The following TRPC6 variants were observed in gnomAD, a reference collection of about 807,000 sequenced individuals.
TRPC6 encodes short transient receptor potential channel 6.
In TRPC6, 55 loss-of-function variants were observed where a neutral mutation model predicts 90.7. The observed-to-expected ratio is 0.61, with a 90% CI of 0.49 to 0.76. The LOEUF is 0.76. Ranked by LOEUF, TRPC6 falls within the 30% of genes least tolerant of loss-of-function variation. The probability of loss-of-function intolerance (pLI) is 0.00; values close to 1 mark genes in which losing one functional copy is unlikely to be tolerated. For missense variants in TRPC6, 989 were observed against 1,122.7 expected (o/e 0.88, Z 1.70); for synonymous variants, 393 against 393.0 (o/e 1.00, Z 0.00).
At chr11:101,579,041 C>G in intron 1 of TRPC6, among the ~76,000 whole-genome samples, 1 of 151,790 alleles carries the variant, frequency 6.6e-6, no homozygotes, top group East Asian at 1.9e-4. Context: ...TCTGGAAAAT[C>G]CTTACCCATT....
rs747431753 is a variant in TRPC6 at position 101,469,495 on chromosome 11, C to A, written c.2416G>T (p.Glu806Ter). ...CCTAAAATTCCAAGTTTCTTTTCTT[C>A]ATTTATCTTTTAAAGATAGATAGTA... The part of the protein sequence containing the change: ...QEDAEMNKIN[E>*]EKKLGILGSH... The change falls in exon 10 of 13, where the codon GAA becomes TAA. Residue 806 changes from glutamate to a stop codon, truncating the protein, a stop_gained. Coordinates refer to ENST00000344327, the MANE Select transcript of TRPC6 (RefSeq NM_004621.6). LOFTEE classifies it high-confidence loss of function. The A allele has an allele frequency of 5.2e-6, 4 of 762,626 alleles. No homozygotes were observed. In the South Asian group the frequency reaches 5.5e-5, roughly 11 times the overall value. The allele number at this position is 762,626 out of a possible 1,614,324, so 47.2% of individuals were successfully genotyped here. A position where few individuals can be genotyped will look rare whatever the true frequency, so the allele number is the denominator to read the frequency against.
chr11:101,514,008 G>A (rs1860458290), intron 1 of TRPC6, among the ~76,000 whole-genome samples: 1 of 152,186 alleles, frequency 6.6e-6, no homozygotes, highest in East Asian at 1.9e-4. Flanking sequence ...ATGTGTAACA[G>A]AGTACATGGA....
chr11:101,472,022 CAG>C lies in TRPC6; in HGVS notation c.2205+113_2205+114del, dbSNP rs1859303827. ...TTACTGGTCAAACGAGTGTATAAAA[CAG>C]GGAATGAACAAAGGGCGAAGAGCAG... On this transcript the variant is annotated intron_variant, in intron 8 of 12. Coordinates refer to ENST00000344327, the MANE Select transcript of TRPC6 (RefSeq NM_004621.6). 5 of 1,083,932 alleles carry C rather than the reference CAG, an allele frequency of 4.6e-6. 1 individual carries two copies. Among genetic ancestry groups the C allele is most frequent in the South Asian group, 4.0e-5 (3 of 74,718 alleles). 67.1% of individuals were successfully genotyped at this position (1,083,932 alleles called of 1,614,324 possible).
At chr11:101,487,290 C>A (rs1859698365) in intron 4 of TRPC6, among the ~76,000 whole-genome samples, 1 of 152,056 alleles carries the variant, frequency 6.6e-6, no homozygotes, top group African/African-American at 2.4e-5. Context: ...CAGTTAAAAT[C>A]TCAGATGACT....
chr11:101,502,326 T>G (rs1860148666), intron 2 of TRPC6, among the ~76,000 whole-genome samples: 1 of 152,212 alleles, frequency 6.6e-6, no homozygotes, highest in Non-Finnish European at 1.5e-5. Flanking sequence ...AGATCTTTTC[T>G]ATCACATTGG....
At chr11:101,481,228 G>A (rs556901628) in intron 5 of TRPC6, among the ~76,000 whole-genome samples, 2 of 152,320 alleles carry the variant, frequency 1.3e-5, no homozygotes, top group South Asian at 4.1e-4. Context: ...GGTCCCTAGA[G>A]AGGGAGGTGG....
At chr11:101,454,968 C>A (rs1858849447) in intron 11 of TRPC6, 50 bp downstream of exon 11, 1 of 1,445,870 alleles carries the variant, frequency 6.9e-7, no homozygotes, top group South Asian at 1.2e-5. Flanking sequence ...AGTTCAAGAA[C>A]CTAAATATTA....
chr11:101,548,431 A>T (rs1470988133), intron 1 of TRPC6, among the ~76,000 whole-genome samples: 3 of 117,318 alleles, frequency 2.6e-5, no homozygotes, highest in Admixed American at 2.0e-4. Context: ...TAATATATAA[A>T]TATATAATAC....
At chr11:101,542,775 A>C (rs150593361) in intron 1 of TRPC6, among the ~76,000 whole-genome samples, 1,886 of 152,132 alleles carry the variant, frequency 0.012, 47 homozygotes, top group African/African-American at 0.042. Flanking sequence ...TTTTAAATGA[A>C]AATAAAAGAC....
intron 1 of TRPC6, among the ~76,000 whole-genome samples, chr11:101,580,821 A>G (rs1029668870): frequency 1.1e-4 from 17 of 152,160 alleles, no homozygotes; most frequent in African/African-American, 4.1e-4. Flanking sequence ...ACTTTCAGAA[A>G]TGATACACCT....
intron 4 of TRPC6, among the ~76,000 whole-genome samples, chr11:101,486,180 T>G (rs1258777464): frequency 1.3e-5 from 2 of 152,148 alleles, no homozygotes; most frequent in Non-Finnish European, 2.9e-5. Flanking sequence ...TAGCCTTTAT[T>G]TTTCTTACAA....
At chr11:101,470,225 T>G (rs997671853) in intron 9 of TRPC6, among the ~76,000 whole-genome samples, 1 of 152,230 alleles carries the variant, frequency 6.6e-6, no homozygotes, top group African/African-American at 2.4e-5. Context: ...ATTTTCTTAT[T>G]AAAAGTTTGC....
At chr11:101,453,508 G>A (rs1019824916) in intron 12 of TRPC6, 142 bp downstream of exon 12, 19 of 813,620 alleles carry the variant, frequency 2.3e-5, no homozygotes, top group Admixed American at 1.4e-4. Flanking sequence ...TTAACAGAAC[G>A]GCGGTTGGTG....
chr11:101,458,956 G>A (rs1414758364), intron 10 of TRPC6, among the ~76,000 whole-genome samples: 3 of 152,208 alleles, frequency 2.0e-5, no homozygotes, highest in Non-Finnish European at 2.9e-5. Flanking sequence ...AATGAACCAT[G>A]AGAGTTTTTC....
intron 1 of TRPC6, among the ~76,000 whole-genome samples, chr11:101,571,369 AG>A (rs1861960242): frequency 6.6e-6 from 1 of 152,190 alleles, no homozygotes. Context: ...GGAAAAATAG[AG>A]GACACAAGCA....
intron 1 of TRPC6, among the ~76,000 whole-genome samples, chr11:101,515,577 A>G (rs1190646694): frequency 1.3e-5 from 2 of 149,502 alleles, no homozygotes; most frequent in African/African-American, 5.0e-5. Context: ...AGAAAAACGA[A>G]TGGAGAGCAC....
chr11:101,482,798 C>A, intron 5 of TRPC6, 151 bp downstream of exon 5: 1 of 835,916 alleles, frequency 1.2e-6, no homozygotes, highest in Non-Finnish European at 1.9e-6. Context: ...CCCAAGGCAA[C>A]TGTACTTTAG....
intron 1 of TRPC6, among the ~76,000 whole-genome samples, chr11:101,550,976 T>C (rs1374534858): frequency 1.3e-5 from 2 of 151,856 alleles, no homozygotes; most frequent in Non-Finnish European, 2.9e-5. Flanking sequence ...AAATATTTAA[T>C]TTTGGTGCTA....
At chr11:101,527,921 A>C (rs1460386123) in intron 1 of TRPC6, among the ~76,000 whole-genome samples, 1 of 152,080 alleles carries the variant, frequency 6.6e-6, no homozygotes, top group Non-Finnish European at 1.5e-5. Flanking sequence ...AAAATTAAAA[A>C]AATTAGCTGG....
Sources: gnomAD v4.1 joint callset for allele counts (sites outside exome capture counted in the v4.1 genomes callset) on GRCh38, gnomAD v4.1.1 for gene constraint, MANE v1.5 for transcripts, NCBI Gene and HGNC (gene_info 2026-07-23, HGNC 2026-07-21) for gene names.